Variants in DOCK4 observed in about 807,000 individuals in gnomAD.
DOCK4 encodes dedicator of cytokinesis 4.
A neutral mutation model predicts 268.1 loss-of-function variants in DOCK4; 97 were observed. That is an observed-to-expected ratio of 0.36 (90% CI 0.31 to 0.43). The LOEUF (loss-of-function observed/expected upper bound fraction) is 0.43. DOCK4 is among the 20% of genes least tolerant of loss of function. DOCK4 has a pLI of 1.00. For missense variants in DOCK4, 2,145 were observed against 2,455.7 expected (o/e 0.87, Z 2.67); for synonymous variants, 954 against 887.2 (o/e 1.08, Z -1.34).
chr7:111,954,867 C>A (rs868171830), intron 8 of DOCK4, among the ~76,000 whole-genome samples: 1 of 152,108 alleles, frequency 6.6e-6, no homozygotes, highest in Non-Finnish European at 1.5e-5. Flanking sequence ...GAGCCTCGCA[C>A]CAACCTGATT....
At position 112,179,126 on chromosome 7, in the gene DOCK4, C is replaced by T. The variant is rs915533200; in HGVS notation, c.37+26976G>A. 4.6e-5 allele frequency among the ~76,000 whole-genome samples: 7 copies of T among 152,286 alleles called. 1 individual carries two copies. The highest frequency in any genetic ancestry group is 1.9e-4 in the East Asian group (1 of 5,188). On this transcript the variant is annotated intron_variant, in intron 1 of 52. Coordinates refer to ENST00000428084, the MANE Select transcript of DOCK4 (RefSeq NM_001363540.2). ...GGAGGCTGAACGCATTTGGCTCACA[C>T]CTATAATCTCAGCACTTTAGAAGGC...
At chr7:112,066,685 A>ACATAT (rs1184554830) in intron 1 of DOCK4, among the ~76,000 whole-genome samples, 22 of 14,370 alleles carry the variant, frequency 1.5e-3, no homozygotes, top group African/African-American at 4.4e-3. Context: ...ACATATATAC[A>ACATAT]TATACATATA....
intron 42 of DOCK4, among the ~76,000 whole-genome samples, chr7:111,750,188 T>C (rs1274115924): frequency 6.6e-6 from 1 of 152,124 alleles, no homozygotes; most frequent in East Asian, 1.9e-4. Flanking sequence ...AAGGTAAGGA[T>C]GGGAGGAAAA....
At chr7:112,096,107 ATAAT>A (rs1226986697) in intron 1 of DOCK4, among the ~76,000 whole-genome samples, 1 of 152,158 alleles carries the variant, frequency 6.6e-6, no homozygotes, top group Non-Finnish European at 1.5e-5. Flanking sequence ...AAATAAATAA[ATAAT>A]TAAATAGGGT....
chr7:111,942,797 A>G (rs1298076151), intron 10 of DOCK4, among the ~76,000 whole-genome samples: 1 of 152,204 alleles, frequency 6.6e-6, no homozygotes, highest in African/African-American at 2.4e-5. Flanking sequence ...TAGGGGAACA[A>G]CAGAGCAGTA....
intron 50 of DOCK4, among the ~76,000 whole-genome samples, chr7:111,736,212 C>A (rs1015202750): frequency 1.3e-5 from 2 of 152,172 alleles, no homozygotes; most frequent in Admixed American, 1.3e-4. Flanking sequence ...CAGACTATTT[C>A]ATTAACGACT....
At chr7:112,103,799 T>C (rs372167447) in intron 1 of DOCK4, among the ~76,000 whole-genome samples, 3 of 152,248 alleles carry the variant, frequency 2.0e-5, no homozygotes, top group African/African-American at 7.2e-5. Flanking sequence ...CGAGAATTGC[T>C]TGAGCCTGGG....
At chr7:112,095,415 C>T (rs188122609) in intron 1 of DOCK4, among the ~76,000 whole-genome samples, 239 of 148,728 alleles carry the variant, frequency 1.6e-3, no homozygotes, top group African/African-American at 5.4e-3. Context: ...AAAAAGGAGT[C>T]AAACCTCAAA....
intron 47 of DOCK4, chr7:111,740,301 T>A: frequency 3.8e-6 from 1 of 260,894 alleles, no homozygotes; most frequent in South Asian, 3.1e-5. Context: ...GGTTTCACCA[T>A]GCTGGCCAGG....
intron 31 of DOCK4, among the ~76,000 whole-genome samples, chr7:111,789,464 G>A (rs933507297): frequency 1.3e-5 from 2 of 152,202 alleles, no homozygotes; most frequent in Non-Finnish European, 1.5e-5. Flanking sequence ...GAGTTAAAAC[G>A]ATTAGGGACT....
chr7:111,854,221 G>C (rs1284794146), intron 23 of DOCK4, among the ~76,000 whole-genome samples: 1 of 152,182 alleles, frequency 6.6e-6, no homozygotes, highest in Non-Finnish European at 1.5e-5. Context: ...AGACAGCCTG[G>C]TGCCACACCC....
chr7:111,897,606 T>C (rs1342477317), intron 15 of DOCK4, among the ~76,000 whole-genome samples: 1 of 152,128 alleles, frequency 6.6e-6, no homozygotes, highest in Non-Finnish European at 1.5e-5. Flanking sequence ...TGTTGGAAGC[T>C]TGAAATTGGA....
At chr7:112,124,149 C>T (rs1039865603) in intron 1 of DOCK4, among the ~76,000 whole-genome samples, 3 of 151,960 alleles carry the variant, frequency 2.0e-5, no homozygotes, top group African/African-American at 7.3e-5. Context: ...CTCAGCCTCC[C>T]AAATAGCTGG....
At chr7:112,079,064 T>C (rs1419572085) in intron 1 of DOCK4, among the ~76,000 whole-genome samples, 1 of 152,166 alleles carries the variant, frequency 6.6e-6, no homozygotes, top group Non-Finnish European at 1.5e-5. Context: ...GGGGCAAAGA[T>C]TGCAGTGAGC....
chr7:111,974,785 T>C (rs749646412), intron 8 of DOCK4, among the ~76,000 whole-genome samples: 4 of 152,070 alleles, frequency 2.6e-5, no homozygotes, highest in Non-Finnish European at 5.9e-5. Context: ...TATCTTACTT[T>C]TGCTAAGGAT....
In DOCK4 at chr7:111,921,007, A is replaced by C. The variant is rs1793085554; in HGVS notation, c.1067-5103T>G. Among the ~76,000 whole-genome samples the C allele has an allele frequency of 2.6e-5, 4 of 152,140 alleles. No homozygotes were observed. The South Asian group carries it at 8.3e-4, about 32-fold the overall frequency. On this transcript the variant is annotated intron_variant, in intron 12 of 52. Coordinates refer to ENST00000428084, the MANE Select transcript of DOCK4 (RefSeq NM_001363540.2). Reference sequence around the variant, plus strand: ...AATTTAATTTACAATTTAATTTCATAAAATTTTAATTTCATAAAATTTAAC... The same window carrying C: ...AATTTAATTTACAATTTAATTTCATCAAATTTTAATTTCATAAAATTTAAC...
chr7:111,845,371 A>T (rs1804019452), intron 24 of DOCK4, among the ~76,000 whole-genome samples: 1 of 152,222 alleles, frequency 6.6e-6, no homozygotes, highest in Non-Finnish European at 1.5e-5. Context: ...GATTTTTAAA[A>T]ATCTTTGCAT....
chr7:112,076,122 T>G (rs1808046488), intron 1 of DOCK4, among the ~76,000 whole-genome samples: 1 of 152,278 alleles, frequency 6.6e-6, no homozygotes, highest in Admixed American at 6.5e-5. Flanking sequence ...TTAAAGAACT[T>G]TCTTTATAAA....
intron 1 of DOCK4, among the ~76,000 whole-genome samples, chr7:112,082,433 T>C (rs1164833686): frequency 6.6e-6 from 1 of 152,104 alleles, no homozygotes; most frequent in African/African-American, 2.4e-5. Flanking sequence ...GCGGGGGTGG[T>C]TGCTGTGGTA....
Sources: allele counts gnomAD v4.1 joint callset (sites outside exome capture counted in the v4.1 genomes callset), GRCh38; gene constraint gnomAD v4.1.1; transcripts MANE v1.5; gene names NCBI Gene and HGNC (gene_info 2026-07-23, HGNC 2026-07-21).